Variants in UGT1A4 observed in about 807,000 individuals in gnomAD.
UGT1A4 encodes UDP-glucuronosyltransferase 1A4.
A neutral mutation model predicts 41.1 loss-of-function variants in UGT1A4; 32 were observed. That is an observed-to-expected ratio of 0.78 (90% CI 0.59 to 1.05). The LOEUF (loss-of-function observed/expected upper bound fraction) is 1.05, where lower values mean the gene tolerates loss of function less well. Among genes scored for constraint, UGT1A4 ranks in the 50% least tolerant of loss-of-function variants. UGT1A4 has a pLI of 0.00. For missense variants in UGT1A4, 748 were observed against 677.4 expected, an observed-to-expected ratio of 1.10 and a Z score of -1.16; for synonymous variants, 283 against 265.1, an observed-to-expected ratio of 1.07 and a Z score of -0.66.
chr2:233,756,725 G>A (rs1363632350), intron 1 of UGT1A4, among the ~76,000 whole-genome samples: 1 of 152,038 alleles, frequency 6.6e-6, no homozygotes, highest in Non-Finnish European at 1.5e-5. Flanking sequence ...TGAGATCTGA[G>A]TTCTCTTCAC....
At chr2:233,747,339 C>CA (rs1401880990) in intron 1 of UGT1A4, 116 of 1,603,228 alleles carry the variant, frequency 7.2e-5, no homozygotes, top group South Asian at 2.9e-4. Context: ...GCCACTGGCT[C>CA]GCATGCGGGA....
rs1699786831 is a variant in UGT1A4 at position 233,769,072 on chromosome 2, T to C, written c.1307+633T>C. ...AAGTTTCCTGCACAGAAAGAAATACTCCATTATAAGAAGCATAGTATCTTT... is the reference window on the plus strand; with the variant it reads ...AAGTTTCCTGCACAGAAAGAAATACCCCATTATAAGAAGCATAGTATCTTT... On this transcript the variant is annotated intron_variant, in intron 4 of 4. Coordinates refer to ENST00000373409, the MANE Select transcript of UGT1A4 (RefSeq NM_007120.3). This position sits in a 1 kb window ranked among gnomAD's most constrained non-coding sequence, Gnocchi z 4.4. 6.6e-6 allele frequency among the ~76,000 whole-genome samples: 1 copy of C among 152,150 alleles called. No homozygotes were observed. Among genetic ancestry groups the C allele is most frequent in the Admixed American group, 6.5e-5 (1 of 15,270 alleles).
At chr2:233,751,618 G>A (rs1295625249) in intron 1 of UGT1A4, among the ~76,000 whole-genome samples, 1 of 152,174 alleles carries the variant, frequency 6.6e-6, no homozygotes, top group East Asian at 1.9e-4. Context: ...GAGGTGATTG[G>A]ATCATGTGTG....
chr2:233,725,264 G>GGAGGCAGAGGCAGAGGAGGCA (rs2077414682), intron 1 of UGT1A4, among the ~76,000 whole-genome samples: 1 of 58,548 alleles, frequency 1.7e-5, no homozygotes, highest in Admixed American at 1.5e-4. Context: ...CAGAGGCAGA[G>GGAGGCAGAGGCAGAGGAGGCA]GAGGCAGAGG....
At chr2:233,745,942 T>C (rs1437822844) in intron 1 of UGT1A4, among the ~76,000 whole-genome samples, 1 of 151,412 alleles carries the variant, frequency 6.6e-6, no homozygotes, top group Non-Finnish European at 1.5e-5. Flanking sequence ...CAGCTGGGGG[T>C]TGGGCAACTG....
chr2:233,769,857 CAAAA>C lies in UGT1A4; in HGVS notation c.1307+1432_1307+1435del, dbSNP rs879204025. On this transcript the variant is annotated intron_variant, in intron 4 of 4. Coordinates refer to ENST00000373409, the MANE Select transcript of UGT1A4 (RefSeq NM_007120.3). This position sits in a 1 kb window ranked among gnomAD's most constrained non-coding sequence, Gnocchi z 4.4. ...TGGGCAACAGAGTGAGACCCTGTCTCAAAAAAAAAAAAAAAAATGAAAAGTCCAC... is the reference window on the plus strand; with the variant it reads ...TGGGCAACAGAGTGAGACCCTGTCTCAAAAAAAAAAAAATGAAAAGTCCAC... The C allele has an allele frequency of 2.0e-3, 458 of 223,780 alleles. No individual in the cohort carries two copies. Among genetic ancestry groups the C allele is most frequent in the Middle Eastern group, 6.2e-3 (5 of 804 alleles). The allele number at this position is 223,780 out of a possible 1,614,324, so 13.9% of individuals were successfully genotyped here. A position where few individuals can be genotyped will look rare whatever the true frequency, so the allele number is the denominator to read the frequency against.
At chr2:233,759,379 A>G (rs6723506) in intron 1 of UGT1A4, among the ~76,000 whole-genome samples, 3,469 of 152,254 alleles carry the variant, frequency 0.023, 66 homozygotes, top group South Asian at 0.044. Flanking sequence ...ACAGGTTTTC[A>G]GGATACTCAG....
chr2:233,766,892 A>G (rs576495684), intron 1 of UGT1A4, 142 bp from the exon 2 acceptor site: 332 of 1,471,416 alleles, frequency 2.3e-4, no homozygotes, highest in Admixed American at 7.8e-4. Context: ...AAACTTACAT[A>G]TTAATAATTT....
intron 1 of UGT1A4, among the ~76,000 whole-genome samples, chr2:233,764,816 T>C (rs4148326): frequency 0.49 from 74,710 of 151,838 alleles, 18,875 homozygotes; most frequent in African/African-American, 0.6. Flanking sequence ...AACCAAAAAA[T>C]GCAGCATGGT....
At chr2:233,747,842 G>C in intron 1 of UGT1A4, 1 of 1,613,390 alleles carries the variant, frequency 6.2e-7, no homozygotes, top group Non-Finnish European at 8.5e-7. Context: ...TCCTGCAAAG[G>C]GTCAAGAACA....
chr2:233,753,553 C>A (rs768975399), intron 1 of UGT1A4: 9 of 152,144 alleles, frequency 5.9e-5, no homozygotes, highest in Non-Finnish European at 1.3e-4. Context: ...TCAGAGGTGA[C>A]CCTAGAAGAT....
At chr2:233,740,213 C>T (rs984335401) in intron 1 of UGT1A4, among the ~76,000 whole-genome samples, 14 of 151,922 alleles carry the variant, frequency 9.2e-5, no homozygotes, top group Middle Eastern at 3.4e-3. Flanking sequence ...TACCCAGTCT[C>T]AGCTGCGTCT....
chr2:233,720,704 CTTTT>C (rs796417980), intron 1 of UGT1A4, among the ~76,000 whole-genome samples: 1 of 139,182 alleles, frequency 7.2e-6, no homozygotes. Context: ...GGGAGCCATC[CTTTT>C]TTTTTTTTTT....
chr2:233,765,029 G>A (rs1326471824), intron 1 of UGT1A4, among the ~76,000 whole-genome samples: 1 of 152,048 alleles, frequency 6.6e-6, no homozygotes, highest in Non-Finnish European at 1.5e-5. Flanking sequence ...CAGGAGTCCT[G>A]CTGTGCAAAT....
intron 1 of UGT1A4, chr2:233,760,833 G>A (rs777115864): frequency 5.0e-6 from 8 of 1,613,598 alleles, no homozygotes; most frequent in Admixed American, 1.7e-5. Flanking sequence ...TGGAATTTGA[G>A]GCTACCCAGT....
At position 233,722,845 on chromosome 2, in the gene UGT1A4, C is replaced by CTTT. The variant is rs61550889; in HGVS notation, c.867+3170_867+3172dup. Among the ~76,000 whole-genome samples the CTTT allele has an allele frequency of 2.2e-4, 30 of 135,360 alleles. 2 individuals carry two copies. The highest frequency in any genetic ancestry group is 7.7e-4 in the African/African-American group (28 of 36,400). The allele number at this position is 135,360 out of a possible 152,430, so 88.8% of individuals were successfully genotyped here. ...ATTTTGTATTATAATAAGAATGTTT[C>CTTT]TTTTTTTTTTTTTTGAAGGAAAAAA... On this transcript the variant is annotated intron_variant, in intron 1 of 4. Transcript: ENST00000373409.
intron 1 of UGT1A4, among the ~76,000 whole-genome samples, chr2:233,750,971 T>TG (rs1694602658): frequency 6.6e-6 from 1 of 151,624 alleles, no homozygotes; most frequent in South Asian, 2.1e-4. Flanking sequence ...CACTGCCTAG[T>TG]GGAGTTGTGA....
chr2:233,749,416 T>G (rs1694186669), intron 1 of UGT1A4, among the ~76,000 whole-genome samples: 1 of 151,944 alleles, frequency 6.6e-6, no homozygotes, highest in Non-Finnish European at 1.5e-5. Context: ...GTTAACTACA[T>G]TGCTCAAAAC....
At chr2:233,751,762 G>A (rs888611090) in intron 1 of UGT1A4, among the ~76,000 whole-genome samples, 16 of 152,160 alleles carry the variant, frequency 1.1e-4, no homozygotes, top group Non-Finnish European at 2.1e-4. Context: ...TGCCATGTGA[G>A]ACATGACTTT....
Sources: gnomAD v4.1 joint callset for allele counts (sites outside exome capture counted in the v4.1 genomes callset) on GRCh38, gnomAD v4.1.1 for gene constraint, Gnocchi (gnomAD v3.1) non-coding constraint, MANE v1.5 for transcripts, NCBI Gene and HGNC (gene_info 2026-07-23, HGNC 2026-07-21) for gene names.